Variants in HECW2 observed in about 807,000 individuals in gnomAD.
HECW2 encodes HECT, C2 and WW domain containing E3 ubiquitin protein ligase 2, also known as E3 ubiquitin-protein ligase HECW2.
HECW2 carries 61 observed loss-of-function variants against 175.2 expected under a neutral mutation model. That is an observed-to-expected ratio of 0.35 (90% CI 0.28 to 0.43). The LOEUF is 0.43. HECW2 is among the 20% of genes least tolerant of loss of function. The pLI is 1.00. For synonymous variants in HECW2, 671 were observed against 731.0 expected, an observed-to-expected ratio of 0.92 and a Z score of 1.32; for missense variants, 1,524 against 2,000.5, an observed-to-expected ratio of 0.76 and a Z score of 4.54.
At chr2:196,414,995 G>A (rs1246390921) in intron 2 of HECW2, among the ~76,000 whole-genome samples, 2 of 152,110 alleles carry the variant, frequency 1.3e-5, no homozygotes, top group Non-Finnish European at 2.9e-5. Context: ...CCCCTGCTGA[G>A]GCCCTGAAGT....
chr2:196,356,057 G>A (rs1395967741), intron 2 of HECW2, among the ~76,000 whole-genome samples: 1 of 152,182 alleles, frequency 6.6e-6, no homozygotes, highest in African/African-American at 2.4e-5. Flanking sequence ...TGCAGCTACA[G>A]CAGCATGGAT....
chr2:196,240,319 G>C (rs1450068338), intron 21 of HECW2, 130 bp downstream of exon 21: 1 of 541,822 alleles, frequency 1.8e-6, no homozygotes, highest in Non-Finnish European at 3.2e-6. Flanking sequence ...AAGCCCAAAG[G>C]TTTAAGTGTA....
chr2:196,249,402 T>A (rs1410572272), intron 19 of HECW2, among the ~76,000 whole-genome samples: 1 of 152,160 alleles, frequency 6.6e-6, no homozygotes, highest in African/African-American at 2.4e-5. Flanking sequence ...TGAGTCAAAG[T>A]TTCCAAAGCC....
intron 2 of HECW2, among the ~76,000 whole-genome samples, chr2:196,386,439 T>C (rs1694353492): frequency 6.6e-6 from 1 of 152,126 alleles, no homozygotes; most frequent in African/African-American, 2.4e-5. Flanking sequence ...ATGAGGGAGC[T>C]TGCTAACATG....
At chr2:196,576,573 T>C (rs568467298) in intron 1 of HECW2, among the ~76,000 whole-genome samples, 154 of 152,288 alleles carry the variant, frequency 1.0e-3, no homozygotes, top group African/African-American at 3.4e-3. Flanking sequence ...AAAATGGGGA[T>C]ATATTCGTCA....
chr2:196,296,566 G>T (rs145499254), intron 13 of HECW2, among the ~76,000 whole-genome samples: 199 of 152,282 alleles, frequency 1.3e-3, no homozygotes, highest in Middle Eastern at 6.8e-3. Flanking sequence ...CTGAACAAGG[G>T]TCTCCTAAGC....
At chr2:196,217,138 T>C (rs1272902489) in intron 26 of HECW2, 45 bp from the exon 27 acceptor site, 5 of 1,414,984 alleles carry the variant, frequency 3.5e-6, no homozygotes, top group Middle Eastern at 3.6e-4. Context: ...GACTCTTCTA[T>C]ATTAAGCCAC....
intron 19 of HECW2, among the ~76,000 whole-genome samples, chr2:196,251,210 G>A (rs1688841142): frequency 6.6e-6 from 1 of 152,080 alleles, no homozygotes; most frequent in African/African-American, 2.4e-5. Context: ...TGGCTCTATT[G>A]ACCACTCCTC....
intron 1 of HECW2, among the ~76,000 whole-genome samples, chr2:196,519,598 T>C (rs1688275490): frequency 6.6e-6 from 1 of 152,122 alleles, no homozygotes; most frequent in Non-Finnish European, 1.5e-5. Flanking sequence ...AGTCCACCCC[T>C]GAAGGCAAAA....
In HECW2 at chr2:196,319,146, T is replaced by A; in HGVS notation, c.1744A>T (p.Thr582Ser). Residue 582 changes from threonine (T) to serine (S), a missense_variant, in exon 9 of 29, where the codon ACA (threonine) becomes TCA (serine). Transcript: ENST00000644978. ...EVDQPTSGAD[T>S]GTSDASGGSR... ...CCTCCTGATGCATCGGAAGTCCCTG[T>A]GTCTGCGCCACTTGTGGGCTGATCT... The A allele has an allele frequency of 1.3e-6, 2 of 1,594,088 alleles. No individual in the cohort carries two copies. Among genetic ancestry groups the A allele is most frequent in the Non-Finnish European group, 1.7e-6 (2 of 1,169,376 alleles).
At chr2:196,564,476 A>T (rs1690111676) in intron 1 of HECW2, among the ~76,000 whole-genome samples, 1 of 152,200 alleles carries the variant, frequency 6.6e-6, no homozygotes, top group African/African-American at 2.4e-5. Context: ...GTGTGGAAGT[A>T]TTCAGGCAGG....
chr2:196,351,758 C>T (rs1350019256), intron 2 of HECW2, among the ~76,000 whole-genome samples: 1 of 152,068 alleles, frequency 6.6e-6, no homozygotes, highest in Non-Finnish European at 1.5e-5. Flanking sequence ...AGATTGGAAC[C>T]ATAAAGATGC....
At chr2:196,241,828 T>C (rs1688468826) in intron 20 of HECW2, among the ~76,000 whole-genome samples, 2 of 152,204 alleles carry the variant, frequency 1.3e-5, no homozygotes, top group African/African-American at 4.8e-5. Context: ...AAAAAATAAA[T>C]CAGCCTTTTA....
rs576187363 is a variant in HECW2 at position 196,302,847 on chromosome 2, T to C, written c.2814+3641A>G. Reference sequence around the variant, plus strand: ...ACTGGGTTTTCTAGATGTAGAATCATGTCATCTGCAAACAAAGATAATTTG... The same window carrying C: ...ACTGGGTTTTCTAGATGTAGAATCACGTCATCTGCAAACAAAGATAATTTG... On this transcript the variant is annotated intron_variant, in intron 13 of 28. Coordinates refer to ENST00000644978, the MANE Select transcript of HECW2 (RefSeq NM_001348768.2). 4.6e-5 allele frequency among the ~76,000 whole-genome samples: 7 copies of C among 152,364 alleles called. No homozygotes were observed. In the East Asian group the frequency reaches 9.6e-4, roughly 21 times the overall value.
At chr2:196,374,046 A>AAATAAAT (rs1553509125) in intron 2 of HECW2, among the ~76,000 whole-genome samples, 44 of 148,666 alleles carry the variant, frequency 3.0e-4, no homozygotes, top group African/African-American at 8.7e-4. Context: ...AAAATAAAAT[A>AAATAAAT]AAATAAATAA....
chr2:196,447,254 A>G (rs1241041387), intron 1 of HECW2, among the ~76,000 whole-genome samples: 1 of 152,174 alleles, frequency 6.6e-6, no homozygotes, highest in Non-Finnish European at 1.5e-5. Context: ...CTAAGTGTTC[A>G]TGGCCCAGCT....
chr2:196,490,967 A>C (rs535933154), intron 1 of HECW2, among the ~76,000 whole-genome samples: 1 of 152,302 alleles, frequency 6.6e-6, no homozygotes, highest in South Asian at 2.1e-4. Context: ...GAAAATAATT[A>C]ACTGTAAAAG....
In HECW2 at chr2:196,355,023, A is replaced by G. The variant is rs76297379; in HGVS notation, c.293-11259T>C. 3.3e-3 allele frequency among the ~76,000 whole-genome samples: 510 copies of G among 152,352 alleles called. 3 individuals are homozygous for G. Among genetic ancestry groups the G allele is most frequent in the African/African-American group, 0.011 (466 of 41,582 alleles). On this transcript the variant is annotated intron_variant, in intron 2 of 28. Coordinates refer to ENST00000644978, the MANE Select transcript of HECW2 (RefSeq NM_001348768.2). ...CTACATAGGATTTGTGAGAACTCAA[A>G]TTCTTTGATAATGCTCAAATGGAAA...
intron 1 of HECW2, among the ~76,000 whole-genome samples, chr2:196,505,980 T>C (rs10188913): frequency 0.053 from 8,108 of 152,054 alleles, 742 homozygotes; most frequent in African/African-American, 0.18. Context: ...TGAAGGTGAT[T>C]AAGTGGGAGC....
Sources: allele counts gnomAD v4.1 joint callset (sites outside exome capture counted in the v4.1 genomes callset), GRCh38; gene constraint gnomAD v4.1.1; transcripts MANE v1.5; gene names NCBI Gene and HGNC (gene_info 2026-07-23, HGNC 2026-07-21).